HNF1B: variants seen among roughly 807,000 people sequenced by gnomAD.
The protein encoded by HNF1B is HNF1 homeobox B.
Under a neutral mutation model 61.7 loss-of-function variants are expected in HNF1B, and 8 were observed. The ratio of observed to expected loss-of-function variants is 0.13; its 90% CI spans 0.08 to 0.23. The LOEUF (loss-of-function observed/expected upper bound fraction) is 0.23. Among genes scored for constraint, HNF1B ranks in the 10% least tolerant of loss-of-function variants. The probability of loss-of-function intolerance (pLI) is 1.00; values close to 1 mark genes in which losing one functional copy is unlikely to be tolerated. For synonymous variants in HNF1B, 314 were observed against 287.7 expected (o/e 1.09, Z -0.93); for missense variants, 562 against 714.5 (o/e 0.79, Z 2.43).
intron 2 of HNF1B, among the ~76,000 whole-genome samples, chr17:37,734,907 G>A (rs535857808): frequency 6.3e-4 from 95 of 151,398 alleles, no homozygotes; most frequent in Non-Finnish European, 1.1e-3. Context: ...TCCTGCCTCA[G>A]CCTCCTGAGT....
At chr17:37,690,566 G>A (rs1418545419) in intron 8 of HNF1B, among the ~76,000 whole-genome samples, 2 of 152,192 alleles carry the variant, frequency 1.3e-5, no homozygotes, top group Admixed American at 6.5e-5. Flanking sequence ...CCTGATGGGA[G>A]TGTGAGAAGA....
At chr17:37,706,958 C>A (rs188337405) in intron 5 of HNF1B, among the ~76,000 whole-genome samples, 109 of 152,288 alleles carry the variant, frequency 7.2e-4, no homozygotes, top group African/African-American at 2.4e-3. Flanking sequence ...AGAAACTGAT[C>A]TTCAGAAGAG....
chr17:37,701,237 T>C, intron 6 of HNF1B, 60 bp from the exon 7 acceptor site: 1 of 1,488,456 alleles, frequency 6.7e-7, no homozygotes. Flanking sequence ...GGTGGATGGA[T>C]GCCATCATTT....
intron 5 of HNF1B, among the ~76,000 whole-genome samples, chr17:37,710,165 G>A (rs1012927536): frequency 1.3e-5 from 2 of 149,384 alleles, no homozygotes; most frequent in African/African-American, 4.8e-5. Context: ...GGAGGCCTTG[G>A]GGGGAGGGAT....
chr17:37,739,475 G>A lies in HNF1B; in HGVS notation c.509C>T (p.Thr170Ile). 1.2e-6 allele frequency: 2 copies of A among 1,614,144 alleles called. No individual in the cohort carries two copies. Among genetic ancestry groups the A allele is most frequent in the Non-Finnish European group, 1.7e-6 (2 of 1,180,016 alleles). Residue 170 changes from threonine to isoleucine, a missense_variant, in exon 2 of 9, where the codon ACC (threonine) becomes ATC (isoleucine). Physicochemically the swap from Thr to Ile is moderately conservative, Grantham distance 89. This residue lies in a region of HNF1B where 69 missense variants were observed against 81.2 expected (regional missense o/e 0.85). Coordinates refer to ENST00000617811, the MANE Select transcript of HNF1B (RefSeq NM_000458.4). Reference sequence around the variant, plus strand: ...CTCTCGTTGCTTTCTGACGTACCAGGTGTACAGAGCGGCACGCTTCTGGGT... The same window carrying A: ...CTCTCGTTGCTTTCTGACGTACCAGATGTACAGAGCGGCACGCTTCTGGGT... ...MKTQKRAALY[T>I]WYVRKQREIL...
intron 5 of HNF1B, among the ~76,000 whole-genome samples, chr17:37,709,063 G>A (rs931798355): frequency 1.3e-5 from 2 of 152,036 alleles, no homozygotes; most frequent in Admixed American, 6.6e-5. Context: ...CATGAAAGTC[G>A]GGAATCTGCG....
At chr17:37,734,126 G>C (rs1032823636) in intron 2 of HNF1B, among the ~76,000 whole-genome samples, 1 of 152,162 alleles carries the variant, frequency 6.6e-6, no homozygotes. Context: ...CAGAGATGAA[G>C]CAACACTCTG....
chr17:37,695,489 G>C (rs2032354762), intron 8 of HNF1B, among the ~76,000 whole-genome samples: 1 of 152,226 alleles, frequency 6.6e-6, no homozygotes, highest in Non-Finnish European at 1.5e-5. Context: ...CCCACACACA[G>C]AGTCCCTACC....
At chr17:37,710,479 C>A in intron 5 of HNF1B, 24 bp downstream of exon 5, 1 of 1,613,800 alleles carries the variant, frequency 6.2e-7, no homozygotes, top group Non-Finnish European at 8.5e-7. Context: ...AGCTCCAGAG[C>A]GACAATGGCC....
chr17:37,744,262 C>T (rs2034094808), intron 1 of HNF1B, among the ~76,000 whole-genome samples: 1 of 152,244 alleles, frequency 6.6e-6, no homozygotes, highest in Admixed American at 6.5e-5. Context: ...GGCTCCACAG[C>T]TCCAGTTCTC....
intron 4 of HNF1B, among the ~76,000 whole-genome samples, chr17:37,726,990 G>C (rs2033521055): frequency 6.6e-6 from 1 of 152,156 alleles, no homozygotes; most frequent in Non-Finnish European, 1.5e-5. Context: ...GTAGTGGCCA[G>C]GTGAGCTTGC....
At chr17:37,744,294 C>G (rs909276983) in intron 1 of HNF1B, among the ~76,000 whole-genome samples, 1 of 152,218 alleles carries the variant, frequency 6.6e-6, no homozygotes, top group African/African-American at 2.4e-5. Context: ...CCCAGCCCCG[C>G]GGGGAAAAGC....
intron 4 of HNF1B, among the ~76,000 whole-genome samples, chr17:37,711,111 G>A (rs1038484807): frequency 2.6e-5 from 4 of 152,198 alleles, no homozygotes; most frequent in Non-Finnish European, 5.9e-5. Context: ...CCCTCGTGGT[G>A]CTGCAAAGTA....
At chr17:37,734,178 A>ATCAAGTC in intron 2 of HNF1B, among the ~76,000 whole-genome samples, 1 of 152,336 alleles carries the variant, frequency 6.6e-6, no homozygotes, top group African/African-American at 2.4e-5. Flanking sequence ...GGTGAGCTCA[A>ATCAAGTC]TCAAGTCTCA....
intron 4 of HNF1B, among the ~76,000 whole-genome samples, chr17:37,712,117 G>A (rs890913751): frequency 1.3e-5 from 2 of 152,212 alleles, no homozygotes; most frequent in Admixed American, 1.3e-4. Flanking sequence ...TGCTAAAGCT[G>A]GGTTCTAACC....
rs749971261 is a variant in HNF1B, at chr17:37,733,547, G to T, written c.809+10C>A. The T allele has an allele frequency of 6.2e-7, 1 of 1,614,032 alleles. No homozygotes were observed. Among genetic ancestry groups the T allele is most frequent in the Admixed American group, 1.7e-5 (1 of 60,006 alleles). On this transcript the variant is annotated intron_variant, in intron 3 of 8. Coordinates refer to ENST00000617811, the MANE Select transcript of HNF1B (RefSeq NM_000458.4). ...GCCCACCTGCCCAGGTGAGCTTCTG[G>T]TGGTGTTACCTGTTGCATTCCTCCA...
intron 4 of HNF1B, among the ~76,000 whole-genome samples, chr17:37,721,586 C>T (rs1056142142): frequency 2.0e-5 from 3 of 152,100 alleles, no homozygotes; most frequent in Non-Finnish European, 1.5e-5. Flanking sequence ...TAGTCCAAGG[C>T]CCCTCACCCC....
In HNF1B at chr17:37,710,647, C is replaced by A. The variant is rs202109472; in HGVS notation, c.1062G>T (p.Gln354His). 8.7e-6 allele frequency: 14 copies of A among 1,613,976 alleles called. No homozygotes were observed. The highest frequency in any genetic ancestry group is 1.2e-5 in the Non-Finnish European group (14 of 1,179,946). Reference sequence around the variant, plus strand: ...AGGAAGTGATCTCATTGTTTCCCTGCTGGCTGTAGCGCACTCCTGCAAAAC... The same window carrying A: ...AGGAAGTGATCTCATTGTTTCCCTGATGGCTGTAGCGCACTCCTGCAAAAC... ...PNKLSGVRYS[Q>H]QGNNEITSSS... The change falls in exon 5 of 9, where the codon CAG becomes CAT. Residue 354 changes from glutamine to histidine, a missense_variant. Gln to His is a conservative substitution (Grantham distance 24). This residue lies in a region of HNF1B where 211 missense variants were observed against 200.7 expected (regional missense o/e 1.05). Transcript: ENST00000617811.
intron 4 of HNF1B, among the ~76,000 whole-genome samples, chr17:37,726,527 A>T (rs2033503791): frequency 6.6e-6 from 1 of 152,172 alleles, no homozygotes; most frequent in East Asian, 1.9e-4. Context: ...TGTCCTGCAG[A>T]ATTCAGTGCC....
Sources: gnomAD v4.1 joint callset for allele counts (sites outside exome capture counted in the v4.1 genomes callset) on GRCh38, gnomAD v4.1.1 for gene constraint, gnomAD v4.1.1 regional missense constraint, MANE v1.5 for transcripts, NCBI Gene and HGNC (gene_info 2026-07-23, HGNC 2026-07-21) for gene names.